Variants in SOS2 observed in about 807,000 individuals in gnomAD.
The protein encoded by SOS2 is son of sevenless homolog 2.
A neutral mutation model predicts 148.2 loss-of-function variants in SOS2; 65 were observed. The observed-to-expected ratio is 0.44, with a 90% CI of 0.36 to 0.54. The LOEUF is 0.54. Among genes scored for constraint, SOS2 ranks in the 20% least tolerant of loss-of-function variants. The probability of loss-of-function intolerance (pLI) is 0.00; values close to 1 mark genes in which losing one functional copy is unlikely to be tolerated. For missense variants in SOS2, 1,341 were observed against 1,590.2 expected (o/e 0.84, Z 2.67); for synonymous variants, 539 against 537.1 (o/e 1.00, Z -0.05).
intron 11 of SOS2, 38 bp from the exon 12 acceptor site, chr14:50,157,159 C>T: frequency 6.3e-7 from 1 of 1,588,988 alleles, no homozygotes. Context: ...TCCGTTCATA[C>T]ATAATGAAAA....
intron 13 of SOS2, 24 bp downstream of exon 13, chr14:50,153,046 C>T: frequency 9.0e-7 from 1 of 1,109,524 alleles, no homozygotes; most frequent in Non-Finnish European, 1.3e-6. Flanking sequence ...ATATAAGATT[C>T]AATCAAACCT....
intron 1 of SOS2, among the ~76,000 whole-genome samples, chr14:50,229,740 T>A (rs1887484315): frequency 6.6e-6 from 1 of 152,250 alleles, no homozygotes; most frequent in Non-Finnish European, 1.5e-5. Flanking sequence ...CACACCCAAA[T>A]ACTATTTGCT....
chr14:50,164,447 A>C (rs769255774), intron 8 of SOS2, among the ~76,000 whole-genome samples: 37 of 151,958 alleles, frequency 2.4e-4, no homozygotes, highest in Non-Finnish European at 4.0e-4. Flanking sequence ...CCCCCGCAAA[A>C]AAATGAAAAT....
At chr14:50,161,151 G>A (rs968817064) in intron 9 of SOS2, among the ~76,000 whole-genome samples, 1 of 151,892 alleles carries the variant, frequency 6.6e-6, no homozygotes, top group African/African-American at 2.4e-5. Flanking sequence ...AAATTAGCTG[G>A]GCATGGTGGT....
At chr14:50,192,362 C>T (rs879228149) in intron 4 of SOS2, among the ~76,000 whole-genome samples, 10 of 152,100 alleles carry the variant, frequency 6.6e-5, no homozygotes, top group Admixed American at 1.3e-4. Context: ...CAAGACCAGC[C>T]TGCCCAACAT....
Position 50,134,225 on chromosome 14 carries a change from G to T in SOS2, c.2973C>A (p.Asn991Lys), listed in dbSNP as rs1883999905. Residue 991 changes from asparagine to lysine, a missense_variant, in exon 19 of 23, where the codon AAC (asparagine) becomes AAA (lysine). Coordinates refer to ENST00000216373, the MANE Select transcript of SOS2 (RefSeq NM_006939.4). ...CAGATGCACTTCCCATGGGGTTAAG[G>T]TTTTCAAAGAATCTCTGGAATTAAA... ...IEPDMRRFFE[N>K]LNPMGSASEK... 1.9e-6 allele frequency: 3 copies of T among 1,539,534 alleles called. No homozygotes were observed. Among genetic ancestry groups the T allele is most frequent in the African/African-American group, 2.7e-5 (2 of 73,116 alleles).
At position 50,188,538 on chromosome 14, in the gene SOS2, G is replaced by A. The variant is rs1886001996; in HGVS notation, c.673C>T (p.Arg225Ter). 1 of 1,599,908 alleles carries A rather than the reference G, an allele frequency of 6.3e-7. No individual in the cohort carries two copies. The highest frequency in any genetic ancestry group is 1.8e-5 in the Admixed American group (1 of 54,516). ...TTTCTATCAGAAAGAAAGGCTTCTC[G>A]AAACACTTTTATGATCATATTTAAT... The part of the protein sequence containing the change: ...RELNMIIKVF[R>*]EAFLSDRKLF... The change falls in exon 5 of 23, where the codon CGA becomes TGA. Residue 225 changes from arginine (R) to a stop codon, truncating the protein, a stop_gained. Transcript: ENST00000216373. LOFTEE classifies it high-confidence loss of function.
At chr14:50,149,064 ATTT>A (rs1260703373) in intron 14 of SOS2, among the ~76,000 whole-genome samples, 1 of 152,014 alleles carries the variant, frequency 6.6e-6, no homozygotes, top group Non-Finnish European at 1.5e-5. Flanking sequence ...ATGCCTGGCT[ATTT>A]TTTGTAGTTT....
chr14:50,178,744 A>ATTTTTT (rs774367057), intron 7 of SOS2, among the ~76,000 whole-genome samples: 1 of 140,356 alleles, frequency 7.1e-6, no homozygotes, highest in African/African-American at 2.7e-5. Context: ...ATATATATAT[A>ATTTTTT]TTTTTTGGAG....
chr14:50,125,830 A>G (rs1345660349), intron 21 of SOS2, among the ~76,000 whole-genome samples: 2 of 152,202 alleles, frequency 1.3e-5, no homozygotes, highest in African/African-American at 4.8e-5. Context: ...TGGCAGTTTT[A>G]TTCTCCGGAA....
At chr14:50,125,904 C>T (rs980276032) in intron 21 of SOS2, among the ~76,000 whole-genome samples, 2 of 152,160 alleles carry the variant, frequency 1.3e-5, no homozygotes, top group African/African-American at 4.8e-5. Context: ...TACTACATGG[C>T]GAGATTGCCC....
chr14:50,211,103 G>A (rs1018567265), intron 1 of SOS2, among the ~76,000 whole-genome samples: 6 of 151,764 alleles, frequency 4.0e-5, no homozygotes, highest in African/African-American at 1.2e-4. Context: ...TATAATAGAC[G>A]CTAGCCTCAT....
intron 1 of SOS2, among the ~76,000 whole-genome samples, chr14:50,226,906 G>C (rs1887395102): frequency 6.6e-6 from 1 of 152,108 alleles, no homozygotes; most frequent in African/African-American, 2.4e-5. Context: ...CAACGACACA[G>C]GTAATAAACT....
At chr14:50,167,372 T>TA (rs56682933) in intron 8 of SOS2, among the ~76,000 whole-genome samples, 32,706 of 150,828 alleles carry the variant, frequency 0.22, 3,905 homozygotes, top group East Asian at 0.48. Context: ...CTACAAAAAA[T>TA]AAAAAAACAA....
At position 50,145,259 on chromosome 14, in the gene SOS2, A is replaced by C. The variant is rs1028428867; in HGVS notation, c.2578T>G (p.Phe860Val). 2 of 1,612,420 alleles carry C rather than the reference A, an allele frequency of 1.2e-6. No individual in the cohort carries two copies. The highest frequency in any genetic ancestry group is 1.7e-6 in the Non-Finnish European group (2 of 1,179,164). Residue 860 changes from phenylalanine to valine, a missense_variant, in exon 16 of 23, where the codon TTT (phenylalanine) becomes GTT (valine). Phe to Val is a conservative substitution (Grantham distance 50). Coordinates refer to ENST00000216373, the MANE Select transcript of SOS2 (RefSeq NM_006939.4). ...CCATTGAAATTATTCAAATCTTGAAAAACTTGCAGAATTTCTATAATTCTA... is the reference window on the plus strand; with the variant it reads ...CCATTGAAATTATTCAAATCTTGAACAACTTGCAGAATTTCTATAATTCTA... ...LSRIIEILQV[F>V]QDLNNFNGVL...
chr14:50,209,502 C>A (rs905012040), intron 1 of SOS2, among the ~76,000 whole-genome samples: 1 of 152,106 alleles, frequency 6.6e-6, no homozygotes. Context: ...TGCGGTGGCT[C>A]ACTCCTGTAA....
chr14:50,231,182 G>T lies in SOS2; in HGVS notation c.87+15C>A. 1 of 1,393,900 alleles carries T rather than the reference G, an allele frequency of 7.2e-7. No homozygotes were observed. 86.3% of individuals were successfully genotyped at this position (1,393,900 alleles called of 1,614,324 possible). On this transcript the variant is annotated intron_variant, in intron 1 of 22. Coordinates refer to ENST00000216373, the MANE Select transcript of SOS2 (RefSeq NM_006939.4). ...CCACGGGCCACCCGCCGGCCGCCCCGCCCCTAGCACTGACCTTCCGCAGGG... is the reference window on the plus strand; with the variant it reads ...CCACGGGCCACCCGCCGGCCGCCCCTCCCCTAGCACTGACCTTCCGCAGGG...
intron 19 of SOS2, among the ~76,000 whole-genome samples, chr14:50,131,509 T>TA (rs1883864902): frequency 2.6e-5 from 4 of 151,800 alleles, no homozygotes; most frequent in Non-Finnish European, 4.4e-5. Context: ...AATAAACTCA[T>TA]ACTAACTTAT....
chr14:50,192,895 T>C (rs1886192872), intron 4 of SOS2, among the ~76,000 whole-genome samples: 1 of 152,066 alleles, frequency 6.6e-6, no homozygotes, highest in Non-Finnish European at 1.5e-5. Flanking sequence ...ATTCAATAGG[T>C]TAAAAACAAA....
Sources: allele counts gnomAD v4.1 joint callset (sites outside exome capture counted in the v4.1 genomes callset), GRCh38; gene constraint gnomAD v4.1.1; transcripts MANE v1.5; gene names NCBI Gene and HGNC (gene_info 2026-07-23, HGNC 2026-07-21).